The following MACROD2 variants were observed in gnomAD, a reference collection of about 807,000 sequenced individuals.
MACROD2 encodes the protein mono-ADP ribosylhydrolase 2, also known as ADP-ribose glycohydrolase MACROD2.
Under a neutral mutation model 70.4 loss-of-function variants are expected in MACROD2, and 36 were observed. That is an observed-to-expected ratio of 0.51 (90% CI 0.39 to 0.68). MACROD2 has a LOEUF of 0.68. MACROD2 is among the 30% of genes least tolerant of loss of function. The pLI is 0.00. For missense variants in MACROD2, 496 were observed against 538.4 expected, an observed-to-expected ratio of 0.92 and a Z score of 0.78; for synonymous variants, 172 against 178.8, an observed-to-expected ratio of 0.96 and a Z score of 0.30.
chr20:14,918,098 C>G (rs534865593), intron 5 of MACROD2, among the ~76,000 whole-genome samples: 2 of 151,996 alleles, frequency 1.3e-5, no homozygotes, highest in Non-Finnish European at 2.9e-5. Flanking sequence ...CTCAGCCTCA[C>G]GAGTAGGTGG....
intron 2 of MACROD2, among the ~76,000 whole-genome samples, chr20:14,075,280 T>C (rs2053903086): frequency 6.6e-6 from 1 of 152,172 alleles, no homozygotes; most frequent in Admixed American, 6.5e-5. Context: ...ATCTGCAAAA[T>C]TACAGCCACT....
At chr20:15,784,657 A>G (rs1022119988) in intron 8 of MACROD2, among the ~76,000 whole-genome samples, 3 of 152,156 alleles carry the variant, frequency 2.0e-5, no homozygotes, top group Admixed American at 6.5e-5. Flanking sequence ...ATAAAACGTG[A>G]TTAATTTATT....
intron 2 of MACROD2, among the ~76,000 whole-genome samples, chr20:14,037,614 A>G (rs1333468874): frequency 2.0e-5 from 3 of 150,666 alleles, no homozygotes; most frequent in African/African-American, 7.4e-5. Context: ...TCGCTAATCT[A>G]TGTGAACACG....
At chr20:14,012,380 C>A (rs1245619922) in intron 2 of MACROD2, among the ~76,000 whole-genome samples, 1 of 152,160 alleles carries the variant, frequency 6.6e-6, no homozygotes, top group East Asian at 1.9e-4. Context: ...TTCTAGCAAT[C>A]CTGCACTCAC....
At chr20:15,104,749 C>A (rs1158292548) in intron 5 of MACROD2, among the ~76,000 whole-genome samples, 1 of 152,048 alleles carries the variant, frequency 6.6e-6, no homozygotes, top group Non-Finnish European at 1.5e-5. Flanking sequence ...CAGCCTCCAT[C>A]TTGAATATGG....
intron 3 of MACROD2, chr20:14,325,963 C>T (rs981787560): frequency 6.8e-6 from 11 of 1,613,678 alleles, no homozygotes; most frequent in Admixed American, 1.7e-5. Context: ...CTCTTGCTCT[C>T]GATTGAGGGT....
chr20:14,962,451 A>T (rs1408473665), intron 5 of MACROD2, among the ~76,000 whole-genome samples: 55 of 143,080 alleles, frequency 3.8e-4, no homozygotes, highest in African/African-American at 2.7e-5. Context: ...TATAGTATTT[A>T]TATATATATA....
chr20:14,768,179 G>T (rs1002649269), intron 5 of MACROD2, among the ~76,000 whole-genome samples: 16 of 152,156 alleles, frequency 1.1e-4, no homozygotes, highest in Admixed American at 9.8e-4. Context: ...GGGTCAAATG[G>T]TATTTCTGGT....
chr20:14,520,940 T>C (rs578220676), intron 4 of MACROD2, among the ~76,000 whole-genome samples: 32 of 134,776 alleles, frequency 2.4e-4, no homozygotes, highest in African/African-American at 8.9e-4. Context: ...CACACAGACA[T>C]GCACGCGTGC....
chr20:14,028,017 G>A (rs533808264), intron 2 of MACROD2, among the ~76,000 whole-genome samples: 1 of 152,164 alleles, frequency 6.6e-6, no homozygotes, highest in Non-Finnish European at 1.5e-5. Flanking sequence ...GCTCACAGCC[G>A]CCCCTTCCCC....
chr20:14,626,338 A>G (rs1029189481), intron 4 of MACROD2, among the ~76,000 whole-genome samples: 2 of 152,094 alleles, frequency 1.3e-5, no homozygotes, highest in African/African-American at 2.4e-5. Context: ...CAGCTTGGAG[A>G]TGATACCTGT....
chr20:15,811,912 T>C (rs950012217), intron 8 of MACROD2, among the ~76,000 whole-genome samples: 2 of 152,152 alleles, frequency 1.3e-5, no homozygotes, highest in Admixed American at 1.3e-4. Context: ...GAGGCTGTCA[T>C]GCTCAGAGAA....
chr20:15,695,562 T>C (rs2146885594), intron 8 of MACROD2, among the ~76,000 whole-genome samples: 1 of 152,030 alleles, frequency 6.6e-6, no homozygotes, highest in East Asian at 1.9e-4. Flanking sequence ...AGGCATGTGC[T>C]ACCACACTCG....
intron 6 of MACROD2, among the ~76,000 whole-genome samples, chr20:15,328,768 AC>A (rs931675949): frequency 2.2e-4 from 33 of 152,128 alleles, no homozygotes; most frequent in Admixed American, 7.9e-4. Context: ...ATGTATCGAA[AC>A]CCTTAAAGAT....
intron 6 of MACROD2, among the ~76,000 whole-genome samples, chr20:15,358,811 C>T (rs1600289553): frequency 6.8e-6 from 1 of 146,978 alleles, no homozygotes. Flanking sequence ...GCTCTTGTTC[C>T]TTTTTTTTTT....
chr20:14,614,827 C>T (rs996877756), intron 4 of MACROD2, among the ~76,000 whole-genome samples: 1 of 152,038 alleles, frequency 6.6e-6, no homozygotes, highest in African/African-American at 2.4e-5. Context: ...AATCCCTGTT[C>T]CAAAGAGTTT....
At chr20:15,597,683 A>T (rs2048763909) in intron 8 of MACROD2, among the ~76,000 whole-genome samples, 1 of 152,238 alleles carries the variant, frequency 6.6e-6, no homozygotes. Flanking sequence ...TTCAAAGATC[A>T]GCTTGGCCCA....
intron 6 of MACROD2, among the ~76,000 whole-genome samples, chr20:15,313,662 A>G (rs900345633): frequency 1.3e-5 from 2 of 152,086 alleles, no homozygotes; most frequent in Non-Finnish European, 2.9e-5. Flanking sequence ...TGAACAAGTC[A>G]AGGAATAAGG....
intron 3 of MACROD2, among the ~76,000 whole-genome samples, chr20:14,270,342 A>G (rs1017599434): frequency 7.9e-5 from 12 of 152,162 alleles, no homozygotes; most frequent in Non-Finnish European, 1.0e-4. Flanking sequence ...CTATAATCCC[A>G]GCATTTTGGG....
Sources: allele counts gnomAD v4.1 joint callset (sites outside exome capture counted in the v4.1 genomes callset), GRCh38; gene constraint gnomAD v4.1.1; transcripts MANE v1.5; gene names NCBI Gene and HGNC (gene_info 2026-07-23, HGNC 2026-07-21).